Variants in CSMD3 observed in about 807,000 individuals in gnomAD.
CSMD3 encodes CUB and Sushi multiple domains 3.
A neutral mutation model predicts 435.2 loss-of-function variants in CSMD3; 177 were observed. The observed-to-expected ratio is 0.41, with a 90% confidence interval of 0.36 to 0.46. CSMD3 has a LOEUF of 0.46. CSMD3 is among the 20% of genes least tolerant of loss of function. CSMD3 has a pLI of 0.34. For missense variants in CSMD3, 4,265 were observed against 4,504.6 expected, an observed-to-expected ratio of 0.95 and a Z score of 1.52; for synonymous variants, 1,656 against 1,520.5, an observed-to-expected ratio of 1.09 and a Z score of -2.07.
At chr8:113,245,236 G>A (rs2093263614) in intron 3 of CSMD3, among the ~76,000 whole-genome samples, 1 of 151,884 alleles carries the variant, frequency 6.6e-6, no homozygotes, top group Non-Finnish European at 1.5e-5. Flanking sequence ...TTGAAATGTT[G>A]GAGTGTTTAA....
intron 38 of CSMD3, among the ~76,000 whole-genome samples, chr8:112,375,295 T>A (rs1828836913): frequency 6.6e-6 from 1 of 152,148 alleles, no homozygotes; most frequent in Non-Finnish European, 1.5e-5. Flanking sequence ...GTCTCATTCA[T>A]CTCCCAATTC....
intron 45 of CSMD3, among the ~76,000 whole-genome samples, chr8:112,329,022 C>T (rs563352670): frequency 1.3e-5 from 2 of 152,174 alleles, no homozygotes; most frequent in Non-Finnish European, 2.9e-5. Flanking sequence ...TGAAACAAAA[C>T]TACTGGGATA....
In CSMD3 at chr8:112,546,052, T is replaced by C. The variant is rs1310994503; in HGVS notation, c.4564+4619A>G. Among the ~76,000 whole-genome samples the C allele has an allele frequency of 2.0e-5, 3 of 152,184 alleles. No individual in the cohort carries two copies. The East Asian group carries it at 5.8e-4, about 29-fold the overall frequency. ...ACTAAAATTGTACAAATTTTGAATG[T>C]AGGTACAAGTGTTTCAGGAATATGG... On this transcript the variant is annotated intron_variant, in intron 27 of 70. Transcript: ENST00000297405.
chr8:112,468,821 A>G (rs1818235909), intron 32 of CSMD3, among the ~76,000 whole-genome samples: 1 of 152,078 alleles, frequency 6.6e-6, no homozygotes. Context: ...AGGAGAGTAA[A>G]ATATTAATAA....
chr8:112,677,005 C>T (rs934120366), intron 16 of CSMD3, among the ~76,000 whole-genome samples: 7 of 152,168 alleles, frequency 4.6e-5, no homozygotes, highest in Admixed American at 3.9e-4. Context: ...AAAATCAGTA[C>T]ATAATTTATT....
chr8:112,467,957 CA>C (rs902800557), intron 32 of CSMD3, among the ~76,000 whole-genome samples: 14 of 152,224 alleles, frequency 9.2e-5, no homozygotes, highest in African/African-American at 3.4e-4. Flanking sequence ...AAAATGAAGC[CA>C]CTAAGCCTGT....
At chr8:112,934,349 G>A (rs963467430) in intron 9 of CSMD3, among the ~76,000 whole-genome samples, 11 of 152,108 alleles carry the variant, frequency 7.2e-5, no homozygotes, top group Non-Finnish European at 4.4e-5. Flanking sequence ...AGTTCCCAAA[G>A]TATGTTGAGC....
At chr8:113,146,528 T>G (rs573339382) in intron 4 of CSMD3, among the ~76,000 whole-genome samples, 1 of 151,738 alleles carries the variant, frequency 6.6e-6, no homozygotes, top group African/African-American at 2.4e-5. Context: ...GATTGGGACC[T>G]AATTTGAATA....
chr8:112,921,839 C>T lies in CSMD3; in HGVS notation c.1509-88G>A, dbSNP rs1047857843. Reference sequence around the variant, plus strand: ...CTTCTGCTGGCAATATCCAATAGGTCAAATATGTACTATAGTGACAAAAAG... The same window carrying T: ...CTTCTGCTGGCAATATCCAATAGGTTAAATATGTACTATAGTGACAAAAAG... On this transcript the variant is annotated intron_variant, in intron 9 of 70. Transcript: ENST00000297405. 3.1e-6 allele frequency: 3 copies of T among 975,608 alleles called. No homozygotes were observed. The African/African-American group carries it at 4.8e-5, about 16-fold the overall frequency. 60.4% of individuals were successfully genotyped at this position (975,608 alleles called of 1,614,324 possible). A position where few individuals can be genotyped will look rare whatever the true frequency, so the allele number is the denominator to read the frequency against.
rs1436663080 is a variant in CSMD3, at chr8:113,071,424, T to G, written c.917+27332A>C. On this transcript the variant is annotated intron_variant, in intron 5 of 70. Coordinates refer to ENST00000297405, the MANE Select transcript of CSMD3 (RefSeq NM_198123.2). ...TCGAAGTCAAGAAGCTCTCTATGTTTTCTTCTAGTAGTTTTATGGTTTCAG... is the reference window on the plus strand; with the variant it reads ...TCGAAGTCAAGAAGCTCTCTATGTTGTCTTCTAGTAGTTTTATGGTTTCAG... 2.6e-5 allele frequency among the ~76,000 whole-genome samples: 4 copies of G among 151,994 alleles called. 1 individual carries two copies. The highest frequency in any genetic ancestry group is 4.4e-5 in the Non-Finnish European group (3 of 67,910).
chr8:112,971,739 A>G (rs1018291612), intron 7 of CSMD3, among the ~76,000 whole-genome samples: 1 of 152,146 alleles, frequency 6.6e-6, no homozygotes, highest in Non-Finnish European at 1.5e-5. Flanking sequence ...TTTTTAATAG[A>G]TCTAAACCAA....
chr8:112,861,324 G>C (rs1398217044), intron 10 of CSMD3, among the ~76,000 whole-genome samples: 1 of 151,646 alleles, frequency 6.6e-6, no homozygotes, highest in Non-Finnish European at 1.5e-5. Flanking sequence ...ATCTATTTCC[G>C]ATGGAATAAA....
intron 5 of CSMD3, among the ~76,000 whole-genome samples, chr8:113,094,853 C>T (rs1453498057): frequency 1.3e-5 from 2 of 151,916 alleles, no homozygotes; most frequent in Non-Finnish European, 2.9e-5. Context: ...CGGTAGATCA[C>T]GAGGTCAGGA....
chr8:113,070,629 G>A (rs937040738), intron 5 of CSMD3, among the ~76,000 whole-genome samples: 3 of 151,774 alleles, frequency 2.0e-5, no homozygotes, highest in Admixed American at 6.6e-5. Context: ...CTGAACCCCG[G>A]CAACCACCAT....
intron 13 of CSMD3, among the ~76,000 whole-genome samples, chr8:112,701,478 C>G (rs1359996793): frequency 6.6e-6 from 1 of 152,116 alleles, no homozygotes; most frequent in East Asian, 1.9e-4. Flanking sequence ...TTTCTATTGT[C>G]CCATGATAAT....
At chr8:112,458,215 C>CACA (rs1554579456) in intron 32 of CSMD3, among the ~76,000 whole-genome samples, 1 of 150,690 alleles carries the variant, frequency 6.6e-6, no homozygotes, top group Non-Finnish European at 1.5e-5. Flanking sequence ...ACACTCACAC[C>CACA]CACACACACA....
chr8:113,135,252 A>T (rs1440853141), intron 4 of CSMD3, among the ~76,000 whole-genome samples: 2 of 152,032 alleles, frequency 1.3e-5, no homozygotes, highest in African/African-American at 4.8e-5. Flanking sequence ...AATATCATTT[A>T]TAAATTGCTG....
At chr8:113,394,478 A>G (rs1299705162) in intron 1 of CSMD3, among the ~76,000 whole-genome samples, 4 of 152,090 alleles carry the variant, frequency 2.6e-5, no homozygotes, top group Non-Finnish European at 5.9e-5. Flanking sequence ...ATATGGCCTG[A>G]AGGGGAAATT....
At chr8:113,256,379 C>T (rs948865708) in intron 3 of CSMD3, among the ~76,000 whole-genome samples, 2 of 152,006 alleles carry the variant, frequency 1.3e-5, no homozygotes, top group African/African-American at 2.4e-5. Flanking sequence ...TGCTCAGCAC[C>T]GACACCATTC....
Sources: gnomAD v4.1 joint callset for allele counts (sites outside exome capture counted in the v4.1 genomes callset) on GRCh38, gnomAD v4.1.1 for gene constraint, MANE v1.5 for transcripts, NCBI Gene and HGNC (gene_info 2026-07-23, HGNC 2026-07-21) for gene names.